Variants in NFIA observed in about 807,000 individuals in gnomAD.
The protein encoded by NFIA is nuclear factor 1 A-type.
In NFIA, 8 loss-of-function variants were observed where a neutral mutation model predicts 62.8. The ratio of observed to expected loss-of-function variants is 0.13; its 90% confidence interval spans 0.07 to 0.23. The LOEUF is 0.23. Ranked by LOEUF, NFIA falls within the 10% of genes least tolerant of loss-of-function variation. The probability of loss-of-function intolerance (pLI) is 1.00; values close to 1 mark genes in which losing one functional copy is unlikely to be tolerated. For synonymous variants in NFIA, 235 were observed against 238.1 expected (o/e 0.99, Z 0.12); for missense variants, 410 against 642.1 (o/e 0.64, Z 3.91).
chr1:61,180,197 C>G (rs187379881), intron 2 of NFIA, among the ~76,000 whole-genome samples: 76 of 152,276 alleles, frequency 5.0e-4, no homozygotes, highest in Admixed American at 2.5e-3. Flanking sequence ...CAGTTAGCCC[C>G]TGGCTTGAAC....
rs774297484 is a variant in NFIA, at chr1:61,306,269, C to CTTTTTTTTTTTTTTTTTTTT, written c.626-26237_626-26218dup. 2.3e-4 allele frequency among the ~76,000 whole-genome samples: 14 copies of CTTTTTTTTTTTTTTTTTTTT among 60,622 alleles called. 3 individuals carry two copies. The highest frequency in any genetic ancestry group is 1.4e-3 in the East Asian group (2 of 1,404). 39.8% of individuals were successfully genotyped at this position (60,622 alleles called of 152,430 possible). A position where few individuals can be genotyped will look rare whatever the true frequency, so the allele number is the denominator to read the frequency against. ...TCATCCTGGAGACCCAGATTTTGTT[C>CTTTTTTTTTTTTTTTTTTTT]TTTTTTTTTTTTTTTTTTTTTTTTT... On this transcript the variant is annotated intron_variant, in intron 3 of 10. Transcript: ENST00000403491.
chr1:61,146,760 A>G (rs1366355716), intron 2 of NFIA, among the ~76,000 whole-genome samples: 1 of 152,218 alleles, frequency 6.6e-6, no homozygotes, highest in African/African-American at 2.4e-5. Context: ...CCAGAAAGGG[A>G]CTACTTCTGC....
At chr1:61,191,956 GT>G (rs777974575) in intron 2 of NFIA, among the ~76,000 whole-genome samples, 2 of 104,686 alleles carry the variant, frequency 1.9e-5, no homozygotes, top group African/African-American at 5.4e-5. Context: ...TGTTGTTGTT[GT>G]TTTGTTTTTT....
intron 3 of NFIA, among the ~76,000 whole-genome samples, chr1:61,283,938 T>A (rs777154530): frequency 1.3e-5 from 2 of 152,184 alleles, no homozygotes; most frequent in Non-Finnish European, 2.9e-5. Context: ...TTAAAAAAAT[T>A]TGGAGGCAAT....
chr1:61,227,817 G>C (rs547699972), intron 2 of NFIA, among the ~76,000 whole-genome samples: 1 of 152,184 alleles, frequency 6.6e-6, no homozygotes, highest in Non-Finnish European at 1.5e-5. Context: ...AAGTGGCCTT[G>C]TCTGGTATCA....
chr1:61,249,541 G>A (rs942946210), intron 2 of NFIA, among the ~76,000 whole-genome samples: 2 of 152,158 alleles, frequency 1.3e-5, no homozygotes, highest in African/African-American at 4.8e-5. Flanking sequence ...GGCCAAGGCA[G>A]GTGGATCCCA....
At chr1:61,173,069 C>T (rs984076807) in intron 2 of NFIA, among the ~76,000 whole-genome samples, 5 of 152,156 alleles carry the variant, frequency 3.3e-5, no homozygotes, top group African/African-American at 1.2e-4. Context: ...AAGTCCTACC[C>T]AGGGTTTCAC....
In NFIA at chr1:61,196,818, G is replaced by A. The variant is rs79920569; in HGVS notation, c.560-80702G>A. Among the ~76,000 whole-genome samples the A allele has an allele frequency of 5.7e-3, 867 of 151,922 alleles. 12 individuals carry two copies. The highest frequency in any genetic ancestry group is 0.052 in the East Asian group (266 of 5,148). On this transcript the variant is annotated intron_variant, in intron 2 of 10. Transcript: ENST00000403491. ...AGTAGAATAAAATGTGATGTAAATC[G>A]ACTTCTCTGCATACTCATAACAGTG...
chr1:61,345,282 G>A (rs576922735), intron 4 of NFIA, among the ~76,000 whole-genome samples: 3 of 152,096 alleles, frequency 2.0e-5, no homozygotes, highest in Admixed American at 2.0e-4. Flanking sequence ...GTTTCATTTG[G>A]TATTGTTTAA....
At chr1:61,419,321 G>A (rs928920598) in intron 9 of NFIA, among the ~76,000 whole-genome samples, 7 of 152,082 alleles carry the variant, frequency 4.6e-5, no homozygotes, top group African/African-American at 1.7e-4. Flanking sequence ...ACCTTGGCAC[G>A]TGCTTGTAGT....
intron 3 of NFIA, among the ~76,000 whole-genome samples, chr1:61,305,350 C>T (rs1420626934): frequency 2.0e-5 from 3 of 152,126 alleles, no homozygotes; most frequent in Admixed American, 6.5e-5. Context: ...CATTACCATG[C>T]CCCCCAAAGC....
At chr1:61,084,019 G>A (rs1052596355) in intron 1 of NFIA, among the ~76,000 whole-genome samples, 3 of 152,048 alleles carry the variant, frequency 2.0e-5, no homozygotes, top group Non-Finnish European at 4.4e-5. Context: ...TGAAGTCAAA[G>A]TGGTTTTGCG....
intron 9 of NFIA, among the ~76,000 whole-genome samples, chr1:61,419,791 A>G (rs113319649): frequency 1.3e-5 from 2 of 152,300 alleles, no homozygotes; most frequent in African/African-American, 4.8e-5. Context: ...CATTGCTAAT[A>G]TATTTAAGTT....
Position 61,372,676 on chromosome 1 carries a change from G to GT in NFIA, c.947-10555dup, listed in dbSNP as rs1663957692. Among the ~76,000 whole-genome samples, 4 of 151,720 alleles carry GT rather than the reference G, an allele frequency of 2.6e-5. No individual in the cohort carries two copies. The South Asian group carries it at 8.3e-4, about 32-fold the overall frequency. On this transcript the variant is annotated intron_variant, in intron 6 of 10. Transcript: ENST00000403491. ...AAATACAGTTATTTCCCTTTTTATT[G>GT]TTTTTTGTTTGCTTTAATAGTGTTT...
At chr1:61,422,449 T>G (rs549344746) in intron 9 of NFIA, among the ~76,000 whole-genome samples, 1 of 152,256 alleles carries the variant, frequency 6.6e-6, no homozygotes, top group East Asian at 1.9e-4. Context: ...CAAAACTAAT[T>G]CATCTGGAAA....
chr1:61,348,276 G>A (rs899505196), intron 4 of NFIA, among the ~76,000 whole-genome samples: 4 of 152,180 alleles, frequency 2.6e-5, no homozygotes, highest in African/African-American at 9.7e-5. Context: ...CAGTTGCAGG[G>A]GGATGTTCCT....
rs1171901984 is a variant in NFIA, at chr1:61,387,468, C to CTGTTTTTT, written c.1075+4104_1075+4105insGTTTTTTT. 9.7e-4 allele frequency among the ~76,000 whole-genome samples: 93 copies of CTGTTTTTT among 95,464 alleles called. 1 individual carries two copies. Among genetic ancestry groups the CTGTTTTTT allele is most frequent in the African/African-American group, 3.7e-3 (90 of 24,290 alleles). 62.6% of individuals were successfully genotyped at this position (95,464 alleles called of 152,430 possible). ...TCCCCCAGATCAGCTCAAGCACTTT[C>CTGTTTTTT]TTTTTTTTTTTTTTTTTTTTTTTGA... On this transcript the variant is annotated intron_variant, in intron 7 of 10. Transcript: ENST00000403491.
intron 10 of NFIA, among the ~76,000 whole-genome samples, chr1:61,450,872 C>CA (rs1415887816): frequency 6.6e-6 from 1 of 152,220 alleles, no homozygotes; most frequent in African/African-American, 2.4e-5. Context: ...AAATGTTTCT[C>CA]AGACATTTTT....
chr1:61,371,851 A>G (rs754271020), intron 6 of NFIA, among the ~76,000 whole-genome samples: 5 of 152,134 alleles, frequency 3.3e-5, no homozygotes, highest in South Asian at 2.1e-4. Context: ...GTAGTGCCCA[A>G]TGTGGTTTGC....
Sources: gnomAD v4.1 joint callset for allele counts (sites outside exome capture counted in the v4.1 genomes callset) on GRCh38, gnomAD v4.1.1 for gene constraint, MANE v1.5 for transcripts, NCBI Gene and HGNC (gene_info 2026-07-23, HGNC 2026-07-21) for gene names.